The following THSD4 variants were observed in gnomAD, a reference collection of about 807,000 sequenced individuals.
THSD4 encodes thrombospondin type 1 domain containing 4.
THSD4 carries 69 observed loss-of-function variants against 119.0 expected under a neutral mutation model. The observed-to-expected ratio is 0.58, with a 90% confidence interval of 0.48 to 0.71. The LOEUF (loss-of-function observed/expected upper bound fraction) is 0.71. Among genes scored for constraint, THSD4 ranks in the 30% least tolerant of loss-of-function variants. THSD4 has a pLI of 0.00. For synonymous variants in THSD4, 524 were observed against 540.4 expected (o/e 0.97, Z 0.42); for missense variants, 1,393 against 1,391.1 (o/e 1.00, Z -0.02).
intron 8 of THSD4, among the ~76,000 whole-genome samples, chr15:71,715,100 G>T (rs1279030711): frequency 6.6e-6 from 1 of 152,090 alleles, no homozygotes; most frequent in African/African-American, 2.4e-5. Flanking sequence ...ACAGGAATTT[G>T]TTTATGTACA....
chr15:71,557,228 A>C (rs2049033546), intron 7 of THSD4, among the ~76,000 whole-genome samples: 1 of 152,208 alleles, frequency 6.6e-6, no homozygotes, highest in Admixed American at 6.5e-5. Flanking sequence ...TTTCTCTATT[A>C]AGATGATCAT....
At chr15:71,438,569 TC>T (rs1199718159) in intron 7 of THSD4, among the ~76,000 whole-genome samples, 2 of 152,240 alleles carry the variant, frequency 1.3e-5, no homozygotes, top group African/African-American at 4.8e-5. Context: ...TTACTTTTTT[TC>T]AGATGGCTAC....
At chr15:71,210,223 A>G (rs1255045053) in intron 3 of THSD4, among the ~76,000 whole-genome samples, 1 of 152,204 alleles carries the variant, frequency 6.6e-6, no homozygotes, top group African/African-American at 2.4e-5. Flanking sequence ...TTTGAACTCT[A>G]GAAATAAACT....
Position 71,378,010 on chromosome 15 carries a change from G to A in THSD4, c.1016-33677G>A, listed in dbSNP as rs1321100376. On this transcript the variant is annotated intron_variant, in intron 6 of 17. Transcript: ENST00000261862. The stretch of plus-strand genomic sequence containing the variant: ...CCTACTTATAGGCTTAGTTGTTCAA[G>A]GCTAGCTACTGAGATGTCGGGAAGA... Among the ~76,000 whole-genome samples the A allele has an allele frequency of 3.9e-5, 6 of 152,146 alleles. No homozygotes were observed. In the South Asian group the frequency reaches 6.2e-4, roughly 16 times the overall value.
intron 7 of THSD4, among the ~76,000 whole-genome samples, chr15:71,467,960 T>G (rs1434605800): frequency 6.6e-6 from 1 of 151,872 alleles, no homozygotes; most frequent in African/African-American, 2.4e-5. Flanking sequence ...GCAATTCTCC[T>G]GCCTCAGCCT....
chr15:71,541,052 C>T (rs1308443615), intron 7 of THSD4, among the ~76,000 whole-genome samples: 1 of 152,160 alleles, frequency 6.6e-6, no homozygotes, highest in African/African-American at 2.4e-5. Flanking sequence ...AATAGCAATA[C>T]ATTCACATGT....
At chr15:71,333,524 T>A (rs1392265371) in intron 6 of THSD4, among the ~76,000 whole-genome samples, 1 of 152,184 alleles carries the variant, frequency 6.6e-6, no homozygotes. Context: ...GCCAAGAGCC[T>A]TGTCATTCTG....
At chr15:71,424,165 A>G (rs1429921436) in intron 7 of THSD4, among the ~76,000 whole-genome samples, 2 of 152,108 alleles carry the variant, frequency 1.3e-5, no homozygotes, top group African/African-American at 4.8e-5. Context: ...TTTTTGGCTC[A>G]TATGAAGGTG....
At chr15:71,510,968 C>T (rs77957839) in intron 7 of THSD4, among the ~76,000 whole-genome samples, 190 of 98,700 alleles carry the variant, frequency 1.9e-3, no homozygotes, top group African/African-American at 4.2e-3. Flanking sequence ...GATGACCTCA[C>T]GTTTGGCGGT....
chr15:71,279,223 A>G (rs1025599315), intron 6 of THSD4, among the ~76,000 whole-genome samples: 1 of 152,234 alleles, frequency 6.6e-6, no homozygotes, highest in Non-Finnish European at 1.5e-5. Context: ...GAAGCATATC[A>G]GATGTGTACA....
At chr15:71,629,002 A>G (rs760437154) in intron 7 of THSD4, among the ~76,000 whole-genome samples, 5 of 152,210 alleles carry the variant, frequency 3.3e-5, no homozygotes, top group Non-Finnish European at 7.3e-5. Context: ...AGGCAGTTTT[A>G]TAATCTAGTG....
At chr15:71,250,689 G>A (rs2044250627) in intron 5 of THSD4, among the ~76,000 whole-genome samples, 1 of 152,100 alleles carries the variant, frequency 6.6e-6, no homozygotes, top group Admixed American at 6.5e-5. Flanking sequence ...TTCTTTTTTA[G>A]ATCTTCTTAC....
At chr15:71,658,483 C>G (rs2051234412) in intron 7 of THSD4, among the ~76,000 whole-genome samples, 2 of 152,168 alleles carry the variant, frequency 1.3e-5, no homozygotes, top group Admixed American at 6.5e-5. Context: ...TTGACCACCT[C>G]TCCTGTCTAC....
At chr15:71,589,108 A>G (rs1461503485) in intron 7 of THSD4, among the ~76,000 whole-genome samples, 1 of 152,200 alleles carries the variant, frequency 6.6e-6, no homozygotes. Flanking sequence ...TCACATAGTC[A>G]TGCATTCACT....
intron 6 of THSD4, among the ~76,000 whole-genome samples, chr15:71,265,244 C>A (rs2044450316): frequency 6.6e-6 from 1 of 152,050 alleles, no homozygotes; most frequent in African/African-American, 2.4e-5. Context: ...GCATTTCCAA[C>A]TGAGGTACCC....
At chr15:71,111,369 GAGTC>G (rs773579035), upstream of THSD4, 7 of 1,613,524 alleles carry the variant, frequency 4.3e-6, no homozygotes, top group Non-Finnish European at 5.9e-6. Flanking sequence ...GTCAAGTAGA[GAGTC>G]AGCCCCAGGC....
At chr15:71,545,864 G>A (rs1269225790) in intron 7 of THSD4, among the ~76,000 whole-genome samples, 3 of 152,126 alleles carry the variant, frequency 2.0e-5, no homozygotes, top group African/African-American at 4.8e-5. Flanking sequence ...ATGGTCATGT[G>A]ACTGGTGATA....
chr15:71,366,223 G>A (rs574426544), intron 6 of THSD4, among the ~76,000 whole-genome samples: 3 of 152,060 alleles, frequency 2.0e-5, no homozygotes, highest in African/African-American at 4.8e-5. Flanking sequence ...ACAGGCACCC[G>A]CCTCCATGCC....
intron 6 of THSD4, among the ~76,000 whole-genome samples, chr15:71,268,167 G>A (rs1291908485): frequency 6.6e-6 from 1 of 152,130 alleles, no homozygotes; most frequent in Non-Finnish European, 1.5e-5. Flanking sequence ...ATTCTTCTCA[G>A]CACCACATCG....
Sources: gnomAD v4.1 joint callset for allele counts (sites outside exome capture counted in the v4.1 genomes callset) on GRCh38, gnomAD v4.1.1 for gene constraint, MANE v1.5 for transcripts, NCBI Gene and HGNC (gene_info 2026-07-23, HGNC 2026-07-21) for gene names.